Variants in DUSP11 observed in about 807,000 individuals in gnomAD.
The protein encoded by DUSP11 is dual specificity phosphatase 11.
In DUSP11, 27 loss-of-function variants were observed where a neutral mutation model predicts 41.4. That is an observed-to-expected ratio of 0.65 (90% CI 0.48 to 0.90). DUSP11 has a LOEUF of 0.90. Ranked by LOEUF, DUSP11 falls within the 40% of genes least tolerant of loss-of-function variation. DUSP11 has a pLI of 0.00. For missense variants in DUSP11, 465 were observed against 461.1 expected (o/e 1.01, Z -0.08); for synonymous variants, 188 against 159.3 (o/e 1.18, Z -1.35).
At chr2:73,769,743 T>A (rs182773070) in intron 4 of DUSP11, among the ~76,000 whole-genome samples, 2 of 152,370 alleles carry the variant, frequency 1.3e-5, no homozygotes, top group Admixed American at 6.5e-5. Flanking sequence ...ACTCTTGAGT[T>A]CCCGAAGAGC....
intron 8 of DUSP11, among the ~76,000 whole-genome samples, chr2:73,763,438 T>C (rs10189946): frequency 8.2e-4 from 125 of 152,260 alleles, no homozygotes; most frequent in African/African-American, 3.0e-3. Flanking sequence ...AAAAGAAAAT[T>C]TGGGGCTGGG....
exon 7 of DUSP11, chr2:73,766,902 T>C: frequency 8.7e-6 from 14 of 1,611,694 alleles, no homozygotes; most frequent in Non-Finnish European, 1.2e-5. Context: ...ACCTATTGAA[T>C]ACTGAGGAGA....
Position 73,778,290 on chromosome 2 carries a change from C to T in DUSP11, c.318+11G>A. On this transcript the variant is annotated intron_variant, in intron 2 of 8. Transcript: ENST00000272444. ...GATGCCTGAAAGAATACTGAATTAA[C>T]TTTTGCTTACCTTTTGCAAAGGAAC... 6.4e-7 allele frequency: 1 copy of T among 1,571,292 alleles called. No homozygotes were observed. Among genetic ancestry groups the T allele is most frequent in the Non-Finnish European group, 8.6e-7 (1 of 1,160,806 alleles).
intron 4 of DUSP11, among the ~76,000 whole-genome samples, chr2:73,771,577 T>C (rs1428555038): frequency 2.6e-5 from 4 of 151,790 alleles, no homozygotes; most frequent in African/African-American, 4.8e-5. Flanking sequence ...CACTGCAAGT[T>C]CCGCCTCCCA....
chr2:73,773,602 T>G (rs374878493), intron 4 of DUSP11, 198 bp downstream of exon 4: 4 of 500,224 alleles, frequency 8.0e-6, no homozygotes, highest in Non-Finnish European at 1.1e-5. Context: ...GCACTAAAAC[T>G]AATTTAACAT....
At chr2:73,773,839 G>A (rs1284400912) in exon 4 of DUSP11, 1 of 1,607,098 alleles carries the variant, frequency 6.2e-7, no homozygotes, top group South Asian at 1.1e-5. Context: ...TTAACAGCGT[G>A]TTTGAATTTA....
At chr2:73,778,363 G>A (rs1486256681) in exon 2 of DUSP11, 2 of 1,544,338 alleles carry the variant, frequency 1.3e-6, no homozygotes, top group African/African-American at 2.8e-5. Flanking sequence ...CCAACTGGGA[G>A]ATAGTCTTTC....
chr2:73,772,785 G>A (rs545861232), intron 4 of DUSP11, among the ~76,000 whole-genome samples: 2 of 152,302 alleles, frequency 1.3e-5, no homozygotes, highest in South Asian at 4.1e-4. Context: ...TTAAGTGAGC[G>A]ACTAGGTTAC....
intron 1 of DUSP11, among the ~76,000 whole-genome samples, chr2:73,779,302 G>A (rs1024660514): frequency 6.6e-6 from 1 of 152,226 alleles, no homozygotes; most frequent in Non-Finnish European, 1.5e-5. Context: ...AGGATTTATT[G>A]AGGTATGAGA....
chr2:73,773,652 A>G, intron 4 of DUSP11, 148 bp downstream of exon 4: 1 of 793,896 alleles, frequency 1.3e-6, no homozygotes, highest in East Asian at 2.7e-5. Flanking sequence ...AAGGAAAAAC[A>G]TCTTACCCTA....
intron 8 of DUSP11, among the ~76,000 whole-genome samples, chr2:73,763,492 G>A (rs1203120057): frequency 6.6e-6 from 1 of 152,228 alleles, no homozygotes; most frequent in African/African-American, 2.4e-5. Context: ...GGGAGGCCAA[G>A]GCGGGCGGAT....
rs1437934296 is a variant in DUSP11, at chr2:73,768,243, C to G, written c.635+1022G>C. 3.1e-5 allele frequency: 5 copies of G among 162,336 alleles called. No individual in the cohort carries two copies. In the Admixed American group the frequency reaches 3.3e-4, roughly 11 times the overall value. The allele number at this position is 162,336 out of a possible 1,614,324, so 10.1% of individuals were successfully genotyped here. ...TTGTTGAAGTCAAATCCTCCCTATTCTATGCTCTCATTGTACCATGTCACT... is the reference window on the plus strand; with the variant it reads ...TTGTTGAAGTCAAATCCTCCCTATTGTATGCTCTCATTGTACCATGTCACT... On this transcript the variant is annotated intron_variant, in intron 5 of 8. Transcript: ENST00000272444.
At chr2:73,762,574 C>T in exon 9 of DUSP11, 1 of 985,138 alleles carries the variant, frequency 1.0e-6, no homozygotes. Flanking sequence ...ATAAAGAAAC[C>T]TGATTAGACC....
At chr2:73,764,697 T>A (rs1573175922) in intron 8 of DUSP11, among the ~76,000 whole-genome samples, 1 of 152,176 alleles carries the variant, frequency 6.6e-6, no homozygotes, top group Admixed American at 6.5e-5. Flanking sequence ...CTGGGCGAGG[T>A]GGTTCATGCC....
At chr2:73,768,347 G>C in intron 5 of DUSP11, 1 of 536,100 alleles carries the variant, frequency 1.9e-6, no homozygotes, top group East Asian at 1.5e-4. Flanking sequence ...TCCCTAGACT[G>C]TTAGGACGCA....
At chr2:73,778,221 G>A in intron 2 of DUSP11, 80 bp downstream of exon 2, 1 of 909,426 alleles carries the variant, frequency 1.1e-6, no homozygotes, top group Non-Finnish European at 1.7e-6. Flanking sequence ...AAGAGAAAAT[G>A]GAATGTGATA....
At position 73,779,861 on chromosome 2, in the gene DUSP11, C is replaced by G. The variant is rs199708260; in HGVS notation, c.242+13G>C. ...AGCTGGAAAGGCCACGCCAAGGGAC[C>G]AAGACATACTACCTTTCGGGGATGT... is the stretch of plus-strand genomic sequence containing the variant. On this transcript the variant is annotated intron_variant, in intron 1 of 8. Coordinates refer to ENST00000272444, the Ensembl canonical transcript of DUSP11. 77 of 1,613,876 alleles carry G rather than the reference C, an allele frequency of 4.8e-5. No individual in the cohort carries two copies. The highest frequency in any genetic ancestry group is 1.4e-5 in the Non-Finnish European group (16 of 1,179,880).
intron 3 of DUSP11, among the ~76,000 whole-genome samples, 177 bp downstream of exon 3, chr2:73,774,736 C>A (rs1672647866): frequency 6.6e-6 from 1 of 152,074 alleles, no homozygotes; most frequent in Non-Finnish European, 1.5e-5. Flanking sequence ...GAATAATATT[C>A]CATTTAAGAC....
chr2:73,765,780 A>G (rs929107316), intron 8 of DUSP11, among the ~76,000 whole-genome samples: 1 of 152,230 alleles, frequency 6.6e-6, no homozygotes, highest in Admixed American at 6.5e-5. Flanking sequence ...AACTCCTTAA[A>G]TAACAATCTT....
Sources: gnomAD v4.1 joint callset for allele counts (sites outside exome capture counted in the v4.1 genomes callset) on GRCh38, gnomAD v4.1.1 for gene constraint, MANE v1.5 for transcripts, NCBI Gene and HGNC (gene_info 2026-07-23, HGNC 2026-07-21) for gene names.